RFX7: variants seen among roughly 807,000 people sequenced by gnomAD.
The protein encoded by RFX7 is regulatory factor X7.
Under a neutral mutation model 111.8 loss-of-function variants are expected in RFX7, and 26 were observed. The ratio of observed to expected loss-of-function variants is 0.23; its 90% CI spans 0.17 to 0.32. The LOEUF is 0.32. Among genes scored for constraint, RFX7 ranks in the 10% least tolerant of loss-of-function variants. RFX7 has a pLI of 1.00. For missense variants in RFX7, 1,573 were observed against 1,772.9 expected (o/e 0.89, Z 2.02); for synonymous variants, 624 against 624.4 (o/e 1.00, Z 0.01).
intron 1 of RFX7, 24 bp from the exon 2 acceptor site, chr15:56,243,311 A>T: frequency 5.9e-6 from 1 of 169,154 alleles, no homozygotes. Flanking sequence ...GGAGGGAGGG[A>T]GGGAAAGATG....
intron 5 of RFX7, among the ~76,000 whole-genome samples, chr15:56,119,253 A>G (rs907310586): frequency 1.3e-5 from 2 of 152,070 alleles, no homozygotes; most frequent in South Asian, 2.1e-4. Flanking sequence ...TGCTCAAGAA[A>G]TTTTTGCACA....
At chr15:56,173,472 G>T (rs1330250213) in intron 3 of RFX7, among the ~76,000 whole-genome samples, 1 of 152,146 alleles carries the variant, frequency 6.6e-6, no homozygotes, top group Non-Finnish European at 1.5e-5. Flanking sequence ...TAATTGCAAC[G>T]AAAATCAGTA....
In RFX7 at chr15:56,243,296, G is replaced by T. The variant is rs1469684920; in HGVS notation, c.-2-9C>A. 1 of 1,185,598 alleles carries T rather than the reference G, an allele frequency of 8.4e-7. No homozygotes were observed. Among genetic ancestry groups the T allele is most frequent in the Non-Finnish European group, 1.1e-6 (1 of 923,540 alleles). The allele number at this position is 1,185,598 out of a possible 1,614,324, so 73.4% of individuals were successfully genotyped here. A position where few individuals can be genotyped will look rare whatever the true frequency, so the allele number is the denominator to read the frequency against. On this transcript the variant is annotated splice_polypyrimidine_tract_variant and intron_variant, in intron 1 of 9. Transcript: ENST00000559447. ...TTGTTCCTCTGCCATCGCTGCAGAG[G>T]GGTGGGAGGGAGGGAGGGAAAGATG...
rs777631298 is a variant in RFX7, at chr15:56,095,763, G to A, written c.1965C>T (p.Ser655=). 30 of 1,613,730 alleles carry A rather than the reference G, an allele frequency of 1.9e-5. No homozygotes were observed. In the Admixed American group the frequency reaches 4.7e-4, roughly 25 times the overall value. Residue 655 remains serine (S), a synonymous_variant, in exon 10 of 10, where the codon AGC becomes AGT. Coordinates refer to ENST00000559447, the MANE Select transcript of RFX7 (RefSeq NM_022841.7). ...ATGTAGAAGACAGTCGTTTTCTTGGGCTTTTAGTGCATAATTTAGGGTCTT... is the reference window on the plus strand; with the variant it reads ...ATGTAGAAGACAGTCGTTTTCTTGGACTTTTAGTGCATAATTTAGGGTCTT... The part of the protein sequence containing the change: ...INKDPKLCTK[S]PRKRLSSTLQ...
At chr15:56,176,702 G>A (rs570005695) in intron 3 of RFX7, among the ~76,000 whole-genome samples, 8 of 151,834 alleles carry the variant, frequency 5.3e-5, no homozygotes, top group African/African-American at 1.7e-4. Flanking sequence ...AGACTGAAAG[G>A]AATCATCCTT....
intron 5 of RFX7, among the ~76,000 whole-genome samples, chr15:56,104,658 G>T (rs184719049): frequency 6.6e-6 from 1 of 152,326 alleles, no homozygotes; most frequent in Admixed American, 6.5e-5. Flanking sequence ...CTTAGCTCAA[G>T]AAGTTAAGTT....
At chr15:56,173,592 C>T (rs2042869408) in intron 3 of RFX7, among the ~76,000 whole-genome samples, 1 of 152,106 alleles carries the variant, frequency 6.6e-6, no homozygotes. Flanking sequence ...ACCAGCCTGG[C>T]CAACATGGTG....
At chr15:56,124,323 G>A (rs565403146) in intron 5 of RFX7, among the ~76,000 whole-genome samples, 45 of 152,030 alleles carry the variant, frequency 3.0e-4, no homozygotes, top group African/African-American at 1.1e-3. Flanking sequence ...TAGGGAGGCT[G>A]AGGCAGGAGA....
In RFX7 at chr15:56,243,696, G is replaced by A. The variant is rs1596035930; in HGVS notation, c.-254C>T. The stretch of plus-strand genomic sequence containing the variant: ...AAGAACGGTTGCTCAGGGATTTGGC[G>A]GCCAAGCCTTCCTTCCTTGTCCCCG... On this transcript the variant is annotated 5_prime_UTR_variant, in exon 1 of 10. Coordinates refer to ENST00000559447, the MANE Select transcript of RFX7 (RefSeq NM_022841.7). 6.6e-6 allele frequency among the ~76,000 whole-genome samples: 1 copy of A among 151,622 alleles called. No individual in the cohort carries two copies. Among genetic ancestry groups the A allele is most frequent in the African/African-American group, 2.4e-5 (1 of 41,296 alleles).
intron 5 of RFX7, among the ~76,000 whole-genome samples, chr15:56,139,368 A>T (rs866153088): frequency 6.6e-6 from 1 of 151,962 alleles, no homozygotes; most frequent in African/African-American, 2.4e-5. Flanking sequence ...CATTCATTTC[A>T]TCATCCATCG....
intron 2 of RFX7, among the ~76,000 whole-genome samples, chr15:56,220,302 C>T (rs1367519749): frequency 2.6e-5 from 4 of 152,160 alleles, no homozygotes; most frequent in South Asian, 2.1e-4. Flanking sequence ...GTGATCTCGG[C>T]TCACTGCAAC....
chr15:56,103,710 C>T (rs778673918), intron 5 of RFX7, 40 bp from the exon 6 acceptor site: 8 of 1,230,842 alleles, frequency 6.5e-6, no homozygotes, highest in Non-Finnish European at 9.3e-6. Context: ...TGACAGAATT[C>T]AGAATTATAT....
At chr15:56,097,448 A>G (rs1251822039) in intron 9 of RFX7, among the ~76,000 whole-genome samples, 1 of 152,182 alleles carries the variant, frequency 6.6e-6, no homozygotes, top group African/African-American at 2.4e-5. Flanking sequence ...AATTTTAAAA[A>G]AAGACTGCAA....
rs186164297 is a variant in RFX7 at position 56,119,826 on chromosome 15, A to G, written c.402-16156T>C. Reference sequence around the variant, plus strand: ...AAGAAAACGAGTTCACTGTAGATGTATGAATTTGTTTCTGGGTTCTCTATT... The same window carrying G: ...AAGAAAACGAGTTCACTGTAGATGTGTGAATTTGTTTCTGGGTTCTCTATT... On this transcript the variant is annotated intron_variant, in intron 5 of 9. Coordinates refer to ENST00000559447, the MANE Select transcript of RFX7 (RefSeq NM_022841.7). Among the ~76,000 whole-genome samples the G allele has an allele frequency of 5.9e-4, 89 of 150,908 alleles. No individual in the cohort carries two copies. The East Asian group carries it at 0.012, about 21-fold the overall frequency.
At chr15:56,177,811 A>G (rs2141126697) in intron 3 of RFX7, among the ~76,000 whole-genome samples, 1 of 152,238 alleles carries the variant, frequency 6.6e-6, no homozygotes, top group South Asian at 2.1e-4. Flanking sequence ...ATAATTACAG[A>G]ATGACACATT....
At chr15:56,105,460 A>G (rs1007670384) in intron 5 of RFX7, among the ~76,000 whole-genome samples, 7 of 152,306 alleles carry the variant, frequency 4.6e-5, no homozygotes, top group South Asian at 2.1e-4. Context: ...AACATTAAAG[A>G]AACACATTAA....
At chr15:56,103,718 T>TGA in intron 5 of RFX7, 48 bp from the exon 6 acceptor site, 1 of 1,100,364 alleles carries the variant, frequency 9.1e-7, no homozygotes. Flanking sequence ...TTCAGAATTA[T>TGA]ATCGCAGGGT....
intron 2 of RFX7, among the ~76,000 whole-genome samples, chr15:56,202,818 A>G (rs554536525): frequency 9.2e-5 from 14 of 152,348 alleles, no homozygotes; most frequent in Admixed American, 3.9e-4. Context: ...TCTCTAAAAA[A>G]GAAAAAGAAA....
chr15:56,243,061 C>G, intron 2 of RFX7, 64 bp downstream of exon 2: 1 of 1,036,976 alleles, frequency 9.6e-7, no homozygotes, highest in Non-Finnish European at 1.4e-6. Context: ...CCGCCGCCCC[C>G]CACCCACTTT....
Sources: gnomAD v4.1 joint callset for allele counts (sites outside exome capture counted in the v4.1 genomes callset) on GRCh38, gnomAD v4.1.1 for gene constraint, MANE v1.5 for transcripts, NCBI Gene and HGNC (gene_info 2026-07-23, HGNC 2026-07-21) for gene names.